Variants in PCDH15 observed in about 807,000 individuals in gnomAD.
PCDH15 encodes protocadherin-15.
In PCDH15, 129 loss-of-function variants were observed where a neutral mutation model predicts 178.5. The ratio of observed to expected loss-of-function variants is 0.72; its 90% CI spans 0.63 to 0.84. PCDH15 has a LOEUF of 0.84. Ranked by LOEUF, PCDH15 falls within the 40% of genes least tolerant of loss-of-function variation. PCDH15 has a pLI of 0.00. For missense variants in PCDH15, 2,230 were observed against 2,099.9 expected, an observed-to-expected ratio of 1.06 and a Z score of -1.21; for synonymous variants, 800 against 732.0, an observed-to-expected ratio of 1.09 and a Z score of -1.50.
At chr10:55,105,506 T>C (rs1842654337) in intron 2 of PCDH15, among the ~76,000 whole-genome samples, 2 of 152,216 alleles carry the variant, frequency 1.3e-5, no homozygotes, top group African/African-American at 4.8e-5. Context: ...TGCCCACATT[T>C]GCTTTTGTCA....
intron 8 of PCDH15, among the ~76,000 whole-genome samples, chr10:54,292,214 CAAA>C (rs2059461581): frequency 6.6e-6 from 1 of 152,156 alleles, no homozygotes; most frequent in African/African-American, 2.4e-5. Flanking sequence ...GAACCAATGA[CAAA>C]AACCACATGA....
intron 8 of PCDH15, among the ~76,000 whole-genome samples, chr10:54,252,340 T>C (rs999066319): frequency 1.3e-5 from 2 of 152,158 alleles, no homozygotes; most frequent in Admixed American, 6.6e-5. Flanking sequence ...TGTATTTCAA[T>C]CCAAACCTAC....
intron 2 of PCDH15, among the ~76,000 whole-genome samples, chr10:55,514,346 T>A (rs1840958301): frequency 1.3e-5 from 2 of 152,110 alleles, no homozygotes; most frequent in Admixed American, 1.3e-4. Flanking sequence ...TACCACTTGA[T>A]GAGATTTGGT....
intron 2 of PCDH15, among the ~76,000 whole-genome samples, chr10:55,471,509 T>C (rs905177053): frequency 6.6e-6 from 1 of 152,200 alleles, no homozygotes; most frequent in Non-Finnish European, 1.5e-5. Context: ...ATTAACTGAT[T>C]AAAATTTGTA....
intron 3 of PCDH15, among the ~76,000 whole-genome samples, chr10:54,478,394 A>G (rs2078439504): frequency 6.6e-6 from 1 of 152,176 alleles, no homozygotes; most frequent in Non-Finnish European, 1.5e-5. Context: ...TAAATGCCCC[A>G]AATTGTAATG....
At chr10:55,070,818 T>C (rs4253984) in intron 2 of PCDH15, among the ~76,000 whole-genome samples, 71,723 of 151,432 alleles carry the variant, frequency 0.47, 18,034 homozygotes, top group East Asian at 0.74. Flanking sequence ...GTGAAGAAAG[T>C]CATTGGTAGC....
chr10:54,754,372 T>C (rs1289560635), intron 1 of PCDH15, among the ~76,000 whole-genome samples: 6 of 152,168 alleles, frequency 3.9e-5, no homozygotes, highest in Admixed American at 3.9e-4. Flanking sequence ...ACTCGTTCCA[T>C]GATTGAAAGC....
chr10:54,351,430 A>AT (rs1428883315), intron 5 of PCDH15, among the ~76,000 whole-genome samples: 2 of 152,064 alleles, frequency 1.3e-5, no homozygotes, highest in African/African-American at 2.4e-5. Flanking sequence ...ACAGACCATA[A>AT]TTTTTTTCTT....
At chr10:54,491,330 T>C (rs1010797546) in intron 3 of PCDH15, among the ~76,000 whole-genome samples, 1 of 143,056 alleles carries the variant, frequency 7.0e-6, no homozygotes, top group Non-Finnish European at 1.5e-5. Flanking sequence ...GAAAGAAAAG[T>C]TAAAAAAAAA....
rs2076283576 is a variant in PCDH15 at position 53,821,784 on chromosome 10, C to T, written c.4368-1554G>A. 108 of 1,593,648 alleles carry T rather than the reference C, an allele frequency of 6.8e-5. No individual in the cohort carries two copies. The South Asian group carries it at 1.1e-3, about 17-fold the overall frequency. On this transcript the variant is annotated intron_variant, in intron 32 of 37. Coordinates refer to ENST00000644397, the MANE Select transcript of PCDH15 (RefSeq NM_001384140.1). Reference sequence around the variant, plus strand: ...GGTAAAATAATAGAGTCTTCTTTGACGTTCAAATTTGATGTTCAACTTGAA... The same window carrying T: ...GGTAAAATAATAGAGTCTTCTTTGATGTTCAAATTTGATGTTCAACTTGAA...
intron 1 of PCDH15, among the ~76,000 whole-genome samples, chr10:54,738,759 C>A (rs1944424914): frequency 6.6e-6 from 1 of 151,968 alleles, no homozygotes; most frequent in Non-Finnish European, 1.5e-5. Flanking sequence ...ATATGCTAAT[C>A]AATAAACATG....
intron 2 of PCDH15, among the ~76,000 whole-genome samples, chr10:55,089,320 T>G (rs1842257334): frequency 6.6e-6 from 1 of 152,164 alleles, no homozygotes; most frequent in Admixed American, 6.6e-5. Context: ...CAACCCTTGT[T>G]ATCATCTTGC....
chr10:55,408,806 A>G (rs1838266146), intron 2 of PCDH15, among the ~76,000 whole-genome samples: 1 of 152,068 alleles, frequency 6.6e-6, no homozygotes. Context: ...CTTCCTTGCT[A>G]TCACTTCACT....
chr10:55,106,564 C>T lies in PCDH15; in HGVS notation c.-80+60012G>A, dbSNP rs1345072923. On this transcript the variant is annotated intron_variant, in intron 2 of 5. Transcript: ENST00000458638. ...CTGAGTAGCTGGGATTACAGGCACT[C>T]GCCACCACATCCAGCTAATTTTTAT... Among the ~76,000 whole-genome samples the T allele has an allele frequency of 2.6e-5, 4 of 152,076 alleles. No homozygotes were observed. The East Asian group carries it at 7.7e-4, about 29-fold the overall frequency.
intron 18 of PCDH15, among the ~76,000 whole-genome samples, chr10:54,033,974 A>C (rs1031754312): frequency 2.0e-5 from 3 of 151,884 alleles, no homozygotes; most frequent in Non-Finnish European, 2.9e-5. Context: ...AGGGCTTTTC[A>C]TTATATTACA....
At chr10:55,580,772 T>G (rs1315926088) in intron 2 of PCDH15, among the ~76,000 whole-genome samples, 1 of 152,168 alleles carries the variant, frequency 6.6e-6, no homozygotes, top group African/African-American at 2.4e-5. Flanking sequence ...CACCTTCCAT[T>G]GCCTCTAGCC....
intron 2 of PCDH15, among the ~76,000 whole-genome samples, chr10:55,574,967 A>C (rs1842470661): frequency 1.3e-5 from 2 of 152,072 alleles, no homozygotes; most frequent in African/African-American, 2.4e-5. Context: ...AGTTATCTCT[A>C]TATATACTTT....
intron 1 of PCDH15, among the ~76,000 whole-genome samples, chr10:54,678,652 C>T (rs1053516989): frequency 2.6e-5 from 4 of 152,028 alleles, no homozygotes; most frequent in Non-Finnish European, 4.4e-5. Context: ...TAAAAATATG[C>T]CTTTCCAAGT....
At chr10:54,558,641 T>C (rs2087634846) in intron 2 of PCDH15, among the ~76,000 whole-genome samples, 1 of 152,142 alleles carries the variant, frequency 6.6e-6, no homozygotes. Flanking sequence ...ATTTAAATTT[T>C]ATTACTACAT....
Sources: allele counts gnomAD v4.1 joint callset (sites outside exome capture counted in the v4.1 genomes callset), GRCh38; gene constraint gnomAD v4.1.1; transcripts MANE v1.5; gene names NCBI Gene and HGNC (gene_info 2026-07-23, HGNC 2026-07-21).